The following ANO3 variants were observed in gnomAD, a reference collection of about 807,000 sequenced individuals.
The protein encoded by ANO3 is anoctamin 3.
ANO3 carries 99 observed loss-of-function variants against 144.8 expected under a neutral mutation model. The observed-to-expected ratio is 0.68, with a 90% CI of 0.58 to 0.81. The LOEUF (loss-of-function observed/expected upper bound fraction) is 0.81. Among genes scored for constraint, ANO3 ranks in the 30% least tolerant of loss-of-function variants. The pLI is 0.00. For synonymous variants in ANO3, 414 were observed against 392.6 expected (o/e 1.05, Z -0.64); for missense variants, 905 against 1,202.2 (o/e 0.75, Z 3.66).
intron 1 of ANO3, among the ~76,000 whole-genome samples, chr11:26,382,791 G>A (rs1856623520): frequency 6.6e-6 from 1 of 152,164 alleles, no homozygotes; most frequent in Admixed American, 6.5e-5. Flanking sequence ...TACCCAAGCT[G>A]GGAGAGTGCC....
At chr11:26,269,348 G>C (rs1334597881) in intron 1 of ANO3, among the ~76,000 whole-genome samples, 1 of 152,148 alleles carries the variant, frequency 6.6e-6, no homozygotes, top group Non-Finnish European at 1.5e-5. Context: ...GACGTGGAAG[G>C]CACGTTTTCT....
chr11:26,293,020 T>C (rs1000170108), intron 1 of ANO3, among the ~76,000 whole-genome samples: 9 of 152,356 alleles, frequency 5.9e-5, no homozygotes, highest in African/African-American at 1.9e-4. Flanking sequence ...AACTGTAGAC[T>C]GGAGCTGTTC....
chr11:26,332,255 G>T lies in ANO3; in HGVS notation c.-21G>T. The T allele has an allele frequency of 6.2e-7, 1 of 1,613,996 alleles. No homozygotes were observed. The highest frequency in any genetic ancestry group is 8.5e-7 in the Non-Finnish European group (1 of 1,179,992). ...CCCTCTCGGGCAGCTCCCTAAGCCGGCTGGGACGCGCAGAGTGAAAATGGT... is the reference window on the plus strand; with the variant it reads ...CCCTCTCGGGCAGCTCCCTAAGCCGTCTGGGACGCGCAGAGTGAAAATGGT... On this transcript the variant is annotated 5_prime_UTR_variant, in exon 1 of 27. Transcript: ENST00000256737.
chr11:26,199,331 A>G (rs1190521422), intron 1 of ANO3, among the ~76,000 whole-genome samples: 3 of 152,094 alleles, frequency 2.0e-5, no homozygotes, highest in African/African-American at 7.2e-5. Context: ...TCCTCCTACT[A>G]AAGAGAAAAT....
chr11:26,469,014 T>C (rs1163239598), intron 4 of ANO3, among the ~76,000 whole-genome samples: 1 of 151,986 alleles, frequency 6.6e-6, no homozygotes, highest in Non-Finnish European at 1.5e-5. Context: ...TTTTTAAATG[T>C]CTCTTCTTAC....
intron 14 of ANO3, among the ~76,000 whole-genome samples, chr11:26,587,915 G>A (rs1194742081): frequency 6.9e-6 from 1 of 144,662 alleles, no homozygotes; most frequent in Non-Finnish European, 1.5e-5. Flanking sequence ...GAGATCATGG[G>A]TGACAAAGTG....
chr11:26,518,896 G>A (rs1245253646), intron 6 of ANO3, among the ~76,000 whole-genome samples: 1 of 152,072 alleles, frequency 6.6e-6, no homozygotes, highest in Admixed American at 6.5e-5. Context: ...GTGGGATTGT[G>A]GTTCTCAGTT....
intron 14 of ANO3, among the ~76,000 whole-genome samples, chr11:26,564,730 C>CATATATATAT (rs1850477575): frequency 4.2e-5 from 1 of 24,030 alleles, no homozygotes; most frequent in Non-Finnish European, 7.9e-5. Flanking sequence ...CACACACACA[C>CATATATATAT]ACATATATAT....
intron 17 of ANO3, among the ~76,000 whole-genome samples, chr11:26,601,559 G>T (rs1851800379): frequency 6.6e-6 from 1 of 152,124 alleles, no homozygotes; most frequent in East Asian, 1.9e-4. Flanking sequence ...TACACTTTTA[G>T]AAGTAGGAAA....
intron 1 of ANO3, among the ~76,000 whole-genome samples, chr11:26,220,054 C>T (rs543033539): frequency 9.8e-4 from 150 of 152,292 alleles, no homozygotes; most frequent in African/African-American, 3.4e-3. Context: ...CAAAGAATTA[C>T]AAGCAATAGG....
rs184700969 is a variant in ANO3 at position 26,225,773 on chromosome 11, C to G, written c.154+36443C>G. Among the ~76,000 whole-genome samples the G allele has an allele frequency of 1.7e-3, 260 of 152,162 alleles. 1 individual carries two copies. Among genetic ancestry groups the G allele is most frequent in the African/African-American group, 6.0e-3 (250 of 41,526 alleles). On this transcript the variant is annotated intron_variant, in intron 1 of 27. Transcript: ENST00000672621. ...GGCCTAGTACTTTTCAAACATTTTT[C>G]TTCTCTAAGCACAAACTTCTGGAGT...
At chr11:26,205,459 C>A (rs1851779112) in intron 1 of ANO3, among the ~76,000 whole-genome samples, 1 of 152,152 alleles carries the variant, frequency 6.6e-6, no homozygotes, top group Admixed American at 6.5e-5. Context: ...TAAAGTCCAA[C>A]ACAATTCTGC....
chr11:26,203,592 G>A (rs1239322506), intron 1 of ANO3, among the ~76,000 whole-genome samples: 1 of 152,116 alleles, frequency 6.6e-6, no homozygotes, highest in Non-Finnish European at 1.5e-5. Flanking sequence ...AAGGATAAGT[G>A]TTCATCTAAC....
At chr11:26,215,128 T>C (rs542088419) in intron 1 of ANO3, among the ~76,000 whole-genome samples, 2 of 152,040 alleles carry the variant, frequency 1.3e-5, no homozygotes, top group South Asian at 2.1e-4. Context: ...TTTCTCTATA[T>C]ATTTATTTTT....
At position 26,641,918 on chromosome 11, in the gene ANO3, C is replaced by A; in HGVS notation, c.2164C>A (p.Arg722=). 6.2e-7 allele frequency: 1 copy of A among 1,613,622 alleles called. No individual in the cohort carries two copies. Among genetic ancestry groups the A allele is most frequent in the Non-Finnish European group, 8.5e-7 (1 of 1,179,918 alleles). Residue 722 remains arginine, a synonymous_variant, in exon 22 of 27, where the codon CGA becomes AGA. Coordinates refer to ENST00000256737, the MANE Select transcript of ANO3 (RefSeq NM_031418.4). ...GYPLIQNWWS[R]HKIKRGIHDA... ...TAGGTTGATCCAGAACTGGTGGTCA[C>A]GACATAAAATCAAGCGGGGAATACA...
intron 1 of ANO3, among the ~76,000 whole-genome samples, chr11:26,364,972 C>T (rs572269339): frequency 2.0e-5 from 3 of 152,260 alleles, no homozygotes; most frequent in South Asian, 4.1e-4. Context: ...AAAGTCTCAC[C>T]TGGAAATTAC....
chr11:26,250,080 A>G (rs890866777), intron 1 of ANO3, among the ~76,000 whole-genome samples: 2 of 152,216 alleles, frequency 1.3e-5, no homozygotes, highest in East Asian at 1.9e-4. Flanking sequence ...ATAGCCCTAC[A>G]TAACTACAAC....
chr11:26,332,337 G>A lies in ANO3; in HGVS notation c.46+16G>A. On this transcript the variant is annotated intron_variant, in intron 1 of 26. Transcript: ENST00000256737. ...CAGCAAAAAGGTCAGTTGGAATCTT[G>A]CTCCCCTCTCCCTGCGGGCGTCACT... The A allele has an allele frequency of 6.2e-7, 1 of 1,613,248 alleles. No individual in the cohort carries two copies. The highest frequency in any genetic ancestry group is 8.5e-7 in the Non-Finnish European group (1 of 1,179,760).
At chr11:26,560,566 A>C (rs1850248566) in intron 14 of ANO3, 1 of 153,166 alleles carries the variant, frequency 6.5e-6, no homozygotes, top group South Asian at 2.1e-4. Flanking sequence ...TCAATTTCCC[A>C]ATAACAGAAA....
Sources: allele counts gnomAD v4.1 joint callset (sites outside exome capture counted in the v4.1 genomes callset), GRCh38; gene constraint gnomAD v4.1.1; transcripts MANE v1.5; gene names NCBI Gene and HGNC (gene_info 2026-07-23, HGNC 2026-07-21).